Variants in ASAP1 observed in about 807,000 individuals in gnomAD.
ASAP1 encodes the protein ArfGAP with SH3 domain, ankyrin repeat and PH domain 1.
Under a neutral mutation model 145.2 loss-of-function variants are expected in ASAP1, and 43 were observed. That is an observed-to-expected ratio of 0.30 (90% CI 0.23 to 0.38). ASAP1 has a LOEUF of 0.38. Among genes scored for constraint, ASAP1 ranks in the 10% least tolerant of loss-of-function variants. The probability of loss-of-function intolerance (pLI) is 1.00; values close to 1 mark genes in which losing one functional copy is unlikely to be tolerated. For synonymous variants in ASAP1, 546 were observed against 515.5 expected, an observed-to-expected ratio of 1.06 and a Z score of -0.80; for missense variants, 1,018 against 1,355.3, an observed-to-expected ratio of 0.75 and a Z score of 3.91.
At chr8:130,187,371 T>C (rs1057294845) in intron 6 of ASAP1, 86 bp from the exon 7 acceptor site, 59 of 1,170,088 alleles carry the variant, frequency 5.0e-5, no homozygotes, top group Non-Finnish European at 6.6e-5. Flanking sequence ...TTAGCAAGAA[T>C]TGTTTCCTTT....
At chr8:130,213,783 A>G (rs1017751622) in intron 5 of ASAP1, among the ~76,000 whole-genome samples, 3 of 152,236 alleles carry the variant, frequency 2.0e-5, no homozygotes, top group Non-Finnish European at 2.9e-5. Context: ...CCCCAAAACC[A>G]ACAAAATCCA....
intron 3 of ASAP1, among the ~76,000 whole-genome samples, chr8:130,294,098 C>A (rs531853078): frequency 6.6e-6 from 1 of 152,142 alleles, no homozygotes; most frequent in Non-Finnish European, 1.5e-5. Context: ...ACGTTCCATA[C>A]GAAGAAACAA....
chr8:130,422,491 G>A (rs901523881), intron 1 of ASAP1, among the ~76,000 whole-genome samples: 2 of 152,302 alleles, frequency 1.3e-5, no homozygotes, highest in African/African-American at 2.4e-5. Flanking sequence ...CTTACACAGT[G>A]TACTTTCCCG....
chr8:130,210,523 TGC>T, intron 5 of ASAP1, among the ~76,000 whole-genome samples: 2 of 152,316 alleles, frequency 1.3e-5, no homozygotes, highest in African/African-American at 4.8e-5. Flanking sequence ...CTTTCCAATA[TGC>T]TATAACTCAC....
intron 12 of ASAP1, among the ~76,000 whole-genome samples, chr8:130,159,399 G>A (rs1235235046): frequency 1.3e-5 from 2 of 151,896 alleles, no homozygotes; most frequent in African/African-American, 2.4e-5. Context: ...GAGGTGGGCA[G>A]ATCACAAGGT....
At chr8:130,286,915 T>C (rs771429983) in intron 3 of ASAP1, among the ~76,000 whole-genome samples, 4 of 152,118 alleles carry the variant, frequency 2.6e-5, no homozygotes, top group Non-Finnish European at 5.9e-5. Context: ...ATGCTAATGG[T>C]ATAAGGAAAC....
chr8:130,241,949 C>T (rs1045056437), intron 3 of ASAP1, among the ~76,000 whole-genome samples: 1 of 151,948 alleles, frequency 6.6e-6, no homozygotes, highest in Non-Finnish European at 1.5e-5. Flanking sequence ...AGACAATAAC[C>T]ACAACTCTTT....
intron 3 of ASAP1, among the ~76,000 whole-genome samples, chr8:130,297,248 C>T (rs1199990958): frequency 6.6e-6 from 1 of 152,102 alleles, no homozygotes; most frequent in African/African-American, 2.4e-5. Context: ...TAGTTCGTCT[C>T]CCCCCATGCA....
At chr8:130,276,760 T>TCC (rs1554867226) in intron 3 of ASAP1, among the ~76,000 whole-genome samples, 2,067 of 130,078 alleles carry the variant, frequency 0.016, 41 homozygotes, top group African/African-American at 0.039. Context: ...TCTCTCTCTC[T>TCC]CCTCTAACAA....
At chr8:130,231,679 A>T (rs1286567995) in intron 4 of ASAP1, among the ~76,000 whole-genome samples, 2 of 152,238 alleles carry the variant, frequency 1.3e-5, no homozygotes, top group African/African-American at 4.8e-5. Context: ...GTGAGAATGT[A>T]TCTGCTCAAA....
chr8:130,146,293 G>T (rs2097630089), intron 13 of ASAP1, among the ~76,000 whole-genome samples: 1 of 151,882 alleles, frequency 6.6e-6, no homozygotes. Flanking sequence ...CTTAGTAAAA[G>T]TAAAAAAAAC....
chr8:130,118,026 G>C (rs1592841992), intron 20 of ASAP1, 135 bp downstream of exon 20: 2 of 645,042 alleles, frequency 3.1e-6, no homozygotes, highest in Admixed American at 6.7e-5. Context: ...TGCCTGCAAA[G>C]CCAAAAATAA....
intron 23 of ASAP1, among the ~76,000 whole-genome samples, chr8:130,114,066 G>A (rs953076419): frequency 6.6e-6 from 1 of 152,210 alleles, no homozygotes; most frequent in Non-Finnish European, 1.5e-5. Context: ...ACAGGTGTGA[G>A]CCACAGCACT....
chr8:130,423,711 A>T (rs942129598), intron 1 of ASAP1, among the ~76,000 whole-genome samples: 2 of 152,258 alleles, frequency 1.3e-5, no homozygotes, highest in African/African-American at 4.8e-5. Flanking sequence ...TGTGTCTATG[A>T]GTATATCAGC....
At position 130,118,673 on chromosome 8, in the gene ASAP1, G is replaced by C; in HGVS notation, c.1610C>G (p.Thr537Ser). 6.7e-7 allele frequency: 1 copy of C among 1,481,702 alleles called. No individual in the cohort carries two copies. The highest frequency in any genetic ancestry group is 9.0e-7 in the Non-Finnish European group (1 of 1,107,068). The allele number at this position is 1,481,702 out of a possible 1,614,324, so 91.8% of individuals were successfully genotyped here. A position where few individuals can be genotyped will look rare whatever the true frequency, so the allele number is the denominator to read the frequency against. Residue 537 changes from threonine (T) to serine (S), a missense_variant and splice_region_variant, in exon 19 of 30, where the codon ACT (threonine) becomes AGT (serine). Thr to Ser is a moderately conservative substitution (Grantham distance 58). This residue lies in a region of ASAP1 where 153 missense variants were observed against 221.6 expected (regional missense o/e 0.69). Transcript: ENST00000518721. Reference sequence around the variant, plus strand: ...TGCAGTGATATATTCTTTTCGTACAGTCCTAAAACAGAACAAAATAAAGAA... The same window carrying C: ...TGCAGTGATATATTCTTTTCGTACACTCCTAAAACAGAACAAAATAAAGAA... Reference protein sequence around the residue: ...SPKPTPSSDMTVRKEYITAKY... With the variant: ...SPKPTPSSDMSVRKEYITAKY...
intron 2 of ASAP1, among the ~76,000 whole-genome samples, chr8:130,394,313 C>T (rs991275088): frequency 6.6e-6 from 1 of 152,256 alleles, no homozygotes; most frequent in African/African-American, 2.4e-5. Context: ...TCTGAAATGG[C>T]CCCCTTGGGT....
Position 130,348,062 on chromosome 8 carries a change from T to C in ASAP1, c.186+9955A>G, listed in dbSNP as rs183216417. ...TGAGGCCTTTTCCAGTTCTACAGAATGTGCGTCATAATAACATAGTCCTCA... is the reference window on the plus strand; with the variant it reads ...TGAGGCCTTTTCCAGTTCTACAGAACGTGCGTCATAATAACATAGTCCTCA... On this transcript the variant is annotated intron_variant, in intron 3 of 29. Coordinates refer to ENST00000518721, the MANE Select transcript of ASAP1 (RefSeq NM_018482.4). Among the ~76,000 whole-genome samples, 13 of 152,338 alleles carry C rather than the reference T, an allele frequency of 8.5e-5. No individual in the cohort carries two copies. In the East Asian group the frequency reaches 2.5e-3, roughly 29 times the overall value.
intron 2 of ASAP1, among the ~76,000 whole-genome samples, chr8:130,384,531 T>C (rs1827922807): frequency 6.6e-6 from 1 of 151,990 alleles, no homozygotes; most frequent in South Asian, 2.1e-4. Flanking sequence ...CAAGCTGGAG[T>C]GCAATGGCGC....
chr8:130,054,700 G>T lies in ASAP1; in HGVS notation c.*31C>A, dbSNP rs1418168875. ...ATGAAGGCAGCAGTCTTGCATGAAG[G>T]ATGTGGACAATCTTAAGGTTCTGCG... On this transcript the variant is annotated 3_prime_UTR_variant, in exon 30 of 30. Transcript: ENST00000518721. The T allele has an allele frequency of 6.3e-7, 1 of 1,585,792 alleles. No individual in the cohort carries two copies. The highest frequency in any genetic ancestry group is 1.1e-5 in the South Asian group (1 of 90,464).
Sources: allele counts gnomAD v4.1 joint callset (sites outside exome capture counted in the v4.1 genomes callset), GRCh38; gene constraint gnomAD v4.1.1; regional missense constraint gnomAD v4.1.1; transcripts MANE v1.5; gene names NCBI Gene and HGNC (gene_info 2026-07-23, HGNC 2026-07-21).